Variants in UBXN7 observed in about 807,000 individuals in gnomAD.
UBXN7 encodes UBX domain protein 7.
UBXN7 carries 9 observed loss-of-function variants against 58.0 expected under a neutral mutation model. That is an observed-to-expected ratio of 0.16 (90% confidence interval 0.09 to 0.27). The LOEUF (loss-of-function observed/expected upper bound fraction) is 0.27, where lower values mean the gene tolerates loss of function less well. UBXN7 is among the 10% of genes least tolerant of loss of function. The probability of loss-of-function intolerance (pLI) is 1.00; values close to 1 mark genes in which losing one functional copy is unlikely to be tolerated. For missense variants in UBXN7, 328 were observed against 599.6 expected (o/e 0.55, Z 4.73); for synonymous variants, 208 against 205.0 (o/e 1.01, Z -0.12).
chr3:196,406,202 T>A (rs1474236522), intron 2 of UBXN7, among the ~76,000 whole-genome samples: 2 of 152,058 alleles, frequency 1.3e-5, no homozygotes, highest in East Asian at 3.9e-4. Context: ...CCGGCTAATT[T>A]TTGTATTTTT....
At chr3:196,399,630 G>C (rs1729895764) in intron 3 of UBXN7, among the ~76,000 whole-genome samples, 1 of 152,146 alleles carries the variant, frequency 6.6e-6, no homozygotes, top group Non-Finnish European at 1.5e-5. Flanking sequence ...GTAGAGATAA[G>C]AGTCTTCCTA....
chr3:196,399,607 ATTT>A (rs1729894896), intron 3 of UBXN7, among the ~76,000 whole-genome samples: 1 of 152,000 alleles, frequency 6.6e-6, no homozygotes, highest in Admixed American at 6.6e-5. Context: ...TAACGAATTT[ATTT>A]TTATTTTTTG....
chr3:196,432,147 G>A (rs772133578), intron 1 of UBXN7, 180 bp downstream of exon 1: 14 of 799,926 alleles, frequency 1.8e-5, no homozygotes, highest in African/African-American at 8.5e-5. Flanking sequence ...AGCGGGGGGG[G>A]GCTGTCTCCC....
intron 6 of UBXN7, among the ~76,000 whole-genome samples, chr3:196,370,565 G>A (rs758910780): frequency 6.6e-6 from 1 of 151,712 alleles, no homozygotes; most frequent in Non-Finnish European, 1.5e-5. Context: ...AATATTTGTT[G>A]AATAAAATAC....
At chr3:196,421,181 G>A (rs1416868218) in intron 1 of UBXN7, among the ~76,000 whole-genome samples, 3 of 152,202 alleles carry the variant, frequency 2.0e-5, no homozygotes, top group East Asian at 3.9e-4. Flanking sequence ...CTAAGTTAGG[G>A]GACAGATAAG....
chr3:196,416,873 G>C (rs1378733471), intron 1 of UBXN7, among the ~76,000 whole-genome samples: 1 of 152,164 alleles, frequency 6.6e-6, no homozygotes, highest in Non-Finnish European at 1.5e-5. Flanking sequence ...AAAGGGTGTT[G>C]ATTTAGAAGA....
rs1553850292 is a variant in UBXN7 at position 196,375,040 on chromosome 3, A to AAGGG, written c.469-3002_469-2999dup. 1.7e-4 allele frequency among the ~76,000 whole-genome samples: 23 copies of AAGGG among 135,392 alleles called. 1 individual carries two copies. The highest frequency in any genetic ancestry group is 1.5e-3 in the East Asian group (7 of 4,760). 88.8% of individuals were successfully genotyped at this position (135,392 alleles called of 152,430 possible). ...GAAGGAAGGAAGGAAGGAAGGAAGG[A>AAGGG]AGGGAAAGGAAAGGAAAAAGGAGAG... On this transcript the variant is annotated intron_variant, in intron 5 of 10. Coordinates refer to ENST00000296328, the MANE Select transcript of UBXN7 (RefSeq NM_015562.2).
intron 10 of UBXN7, among the ~76,000 whole-genome samples, chr3:196,359,496 G>A (rs1728446715): frequency 6.6e-6 from 1 of 152,188 alleles, no homozygotes. Context: ...AGTGAGAAAG[G>A]CACGTGGAAA....
intron 4 of UBXN7, 66 bp from the exon 5 acceptor site, chr3:196,391,991 A>AC: frequency 1.3e-6 from 1 of 793,298 alleles, no homozygotes; most frequent in Non-Finnish European, 1.9e-6. Flanking sequence ...AAAAAAAAAA[A>AC]AAAAAACACA....
intron 10 of UBXN7, among the ~76,000 whole-genome samples, chr3:196,357,282 T>C (rs147393000): frequency 6.6e-6 from 1 of 152,228 alleles, no homozygotes; most frequent in African/African-American, 2.4e-5. Context: ...TCCCATCTTT[T>C]GCAGGTTTCT....
intron 4 of UBXN7, among the ~76,000 whole-genome samples, chr3:196,393,300 T>C (rs1729641208): frequency 6.6e-6 from 1 of 152,242 alleles, no homozygotes; most frequent in Non-Finnish European, 1.5e-5. Flanking sequence ...TAAGTGTTTA[T>C]TCACAAGCGA....
intron 1 of UBXN7, among the ~76,000 whole-genome samples, chr3:196,417,728 A>T (rs1275126977): frequency 2.8e-5 from 1 of 35,350 alleles, no homozygotes; most frequent in African/African-American, 8.3e-5. Context: ...AATGGTTAAA[A>T]AAAAAAAAAA....
In UBXN7 at chr3:196,432,177, G is replaced by A. The variant is rs1731088651; in HGVS notation, c.73+150C>T. 6 of 1,107,416 alleles carry A rather than the reference G, an allele frequency of 5.4e-6. No individual in the cohort carries two copies. The East Asian group carries it at 1.3e-4, about 24-fold the overall frequency. 68.6% of individuals were successfully genotyped at this position (1,107,416 alleles called of 1,614,324 possible). A position where few individuals can be genotyped will look rare whatever the true frequency, so the allele number is the denominator to read the frequency against. On this transcript the variant is annotated intron_variant, in intron 1 of 10. Transcript: ENST00000296328. ...TCTCCCGCCTGAACCCGGAGACCCC[G>A]ACGCCGTCGTCGCCTCTTCCTCAGG...
At chr3:196,405,014 TGTG>T (rs1178249833) in intron 2 of UBXN7, among the ~76,000 whole-genome samples, 2 of 151,894 alleles carry the variant, frequency 1.3e-5, no homozygotes, top group Non-Finnish European at 2.9e-5. Flanking sequence ...ATTAGTCAAG[TGTG>T]GTGGCATGCG....
intron 5 of UBXN7, among the ~76,000 whole-genome samples, chr3:196,385,957 G>A (rs1023136801): frequency 7.2e-5 from 11 of 152,128 alleles, no homozygotes; most frequent in African/African-American, 2.7e-4. Flanking sequence ...GTAGGGAAAG[G>A]AAGGAGAGAT....
At position 196,350,681 on chromosome 3, in the gene UBXN7, T is replaced by C. The variant is rs1386810371; in HGVS notation, c.*6004A>G. The C allele has an allele frequency of 6.6e-6, 1 of 150,830 alleles. No homozygotes were observed. Among genetic ancestry groups the C allele is most frequent in the Non-Finnish European group, 1.5e-5 (1 of 67,702 alleles). 9.3% of individuals were successfully genotyped at this position (150,830 alleles called of 1,614,324 possible). On this transcript the variant is annotated 3_prime_UTR_variant, in exon 11 of 11. Coordinates refer to ENST00000296328, the MANE Select transcript of UBXN7 (RefSeq NM_015562.2). Reference sequence around the variant, plus strand: ...AATTCTTGATTCTATACTGTCTCTCTAGCAGGACTGACACACAGGTGAGTC... The same window carrying C: ...AATTCTTGATTCTATACTGTCTCTCCAGCAGGACTGACACACAGGTGAGTC...
intron 2 of UBXN7, among the ~76,000 whole-genome samples, chr3:196,405,545 T>C (rs1730136124): frequency 6.6e-6 from 1 of 151,984 alleles, no homozygotes; most frequent in Non-Finnish European, 1.5e-5. Flanking sequence ...TCCATTATTG[T>C]TATACCTCGC....
At chr3:196,364,024 C>A (rs1289741513) in intron 8 of UBXN7, among the ~76,000 whole-genome samples, 1 of 151,958 alleles carries the variant, frequency 6.6e-6, no homozygotes, top group Admixed American at 6.6e-5. Context: ...AGTCAAAACA[C>A]CATTCTTTAA....
chr3:196,417,142 T>A (rs1730517004), intron 1 of UBXN7, among the ~76,000 whole-genome samples: 1 of 152,006 alleles, frequency 6.6e-6, no homozygotes, highest in African/African-American at 2.4e-5. Flanking sequence ...TGAAACCCCG[T>A]CTCTACTAAA....
Sources: gnomAD v4.1 joint callset for allele counts (sites outside exome capture counted in the v4.1 genomes callset) on GRCh38, gnomAD v4.1.1 for gene constraint, MANE v1.5 for transcripts, NCBI Gene and HGNC (gene_info 2026-07-23, HGNC 2026-07-21) for gene names.